The following CYP4F3 variants were observed in gnomAD, a reference collection of about 807,000 sequenced individuals.
CYP4F3 encodes the protein cytochrome P450 4F3.
CYP4F3 carries 50 observed loss-of-function variants against 54.8 expected under a neutral mutation model. That is an observed-to-expected ratio of 0.91 (90% CI 0.73 to 1.16). The LOEUF is 1.16. CYP4F3 is among the 50% of genes most tolerant of loss of function. The pLI is 0.00. For missense variants in CYP4F3, 715 were observed against 676.2 expected, an observed-to-expected ratio of 1.06 and a Z score of -0.64; for synonymous variants, 244 against 262.6, an observed-to-expected ratio of 0.93 and a Z score of 0.69.
intron 7 of CYP4F3, among the ~76,000 whole-genome samples, chr19:15,651,929 T>C (rs1312426839): frequency 6.6e-6 from 1 of 152,120 alleles, no homozygotes; most frequent in African/African-American, 2.4e-5. Context: ...CAGAGTAGGA[T>C]TGTGGCACTG....
Position 15,658,233 on chromosome 19 carries a change from G to A in CYP4F3, c.1116-31G>A, listed in dbSNP as rs530723161. On this transcript the variant is annotated intron_variant, in intron 9 of 12. Transcript: ENST00000221307. ...TGGAGAGTTGTGTCTTTGCTCCCTTGATAAGGATTGGGGCTGGGGTGTTTC... is the reference window on the plus strand; with the variant it reads ...TGGAGAGTTGTGTCTTTGCTCCCTTAATAAGGATTGGGGCTGGGGTGTTTC... The A allele has an allele frequency of 3.1e-6, 5 of 1,608,150 alleles. No homozygotes were observed. The African/African-American group carries it at 5.4e-5, about 17-fold the overall frequency.
Position 15,658,815 on chromosome 19 carries a change from A to G in CYP4F3, c.1397+6A>G, listed in dbSNP as rs1915390. On this transcript the variant is annotated splice_donor_region_variant and intron_variant, in intron 12 of 12. Transcript: ENST00000221307. ...CCCTTCTCAGCAGGGCCCAGGTAAG[A>G]GCGGCCTGTGTTTGAGGCGGGGACG... The G allele has an allele frequency of 0.62, 1,001,509 of 1,612,974 alleles. 314,482 individuals carry two copies. The highest frequency in any genetic ancestry group is 0.82 in the East Asian group (36,838 of 44,828).
Position 15,659,585 on chromosome 19 carries a change from A to C in CYP4F3, c.*200A>C. The C allele has an allele frequency of 1.0e-6, 1 of 1,002,200 alleles. No individual in the cohort carries two copies. The highest frequency in any genetic ancestry group is 1.4e-6 in the Non-Finnish European group (1 of 705,202). 62.1% of individuals were successfully genotyped at this position (1,002,200 alleles called of 1,614,324 possible). ...CAGCCCTATTCACAGTAGCCAAACG[A>C]TGAAAACAACCCCAAGCTATATATT... is the stretch of plus-strand genomic sequence containing the variant. On this transcript the variant is annotated 3_prime_UTR_variant, in exon 13 of 13. Transcript: ENST00000221307.
Position 15,641,474 on chromosome 19 carries a change from T to A in CYP4F3, c.59T>A (p.Leu20Gln). ...TGGCCAATGGCAGCATCCCCGTGGC[T>A]GCTCCTGCTGCTGGTTGGGGCCTCC... The part of the protein sequence containing the change: ...GLWPMAASPW[L>Q]LLLLVGASWL... The change falls in exon 2 of 13, where the codon CTG (leucine) becomes CAG (glutamine). Residue 20 changes from leucine (L) to glutamine (Q), a missense_variant. By Grantham distance (113) the Leu-to-Gln change is moderately radical. Transcript: ENST00000221307. The A allele has an allele frequency of 1.2e-6, 2 of 1,614,230 alleles. No homozygotes were observed. Among genetic ancestry groups the A allele is most frequent in the Non-Finnish European group, 1.7e-6 (2 of 1,180,050 alleles).
rs1972552199 is a variant in CYP4F3 at position 15,644,015 on chromosome 19, C to A, written c.199-1704C>A. On this transcript the variant is annotated intron_variant, in intron 2 of 12. Coordinates refer to ENST00000221307, the MANE Select transcript of CYP4F3 (RefSeq NM_000896.3). ...CATCTTCCCCGTCATCCGTTTTTGCCACCCCAACATCATCCGGTCTGTCAT... is the reference window on the plus strand; with the variant it reads ...CATCTTCCCCGTCATCCGTTTTTGCAACCCCAACATCATCCGGTCTGTCAT... 3 of 1,603,642 alleles carry A rather than the reference C, an allele frequency of 1.9e-6. No homozygotes were observed. The East Asian group carries it at 6.8e-5, about 36-fold the overall frequency.
At position 15,658,401 on chromosome 19, in the gene CYP4F3, C is replaced by CT. The variant is rs1449970777; in HGVS notation, c.1249+4_1249+5insT. 1 of 1,613,698 alleles carries CT rather than the reference C, an allele frequency of 6.2e-7. No homozygotes were observed. The highest frequency in any genetic ancestry group is 8.5e-7 in the Non-Finnish European group (1 of 1,179,822). On this transcript the variant is annotated splice_donor_region_variant and intron_variant, in intron 10 of 12. Coordinates refer to ENST00000221307, the MANE Select transcript of CYP4F3 (RefSeq NM_000896.3). ...GACGGCCGGGTCATCCCCAAAGGTG[C>CT]CACAGCCTCAGGGGGAGGAGCCTCC... is the stretch of plus-strand genomic sequence containing the variant.
rs138807224 is a variant in CYP4F3 at position 15,659,310 on chromosome 19, C to T, written c.1488C>T (p.Thr496=). 1.9e-5 allele frequency: 30 copies of T among 1,613,510 alleles called. No individual in the cohort carries two copies. In the Admixed American group the frequency reaches 2.2e-4, roughly 12 times the overall value. The change falls in exon 13 of 13, where the codon ACC becomes ACT. Residue 496 remains threonine (T), a synonymous_variant. Transcript: ENST00000221307. ...GCTTCCGCGTCCTGCCTGACCACAC[C>T]GAGCCCCGCAGGAAGCCGGAGCTGG... ...LLRFRVLPDH[T]EPRRKPELVL...
chr19:15,659,611 A>G lies in CYP4F3; in HGVS notation c.*226A>G. 5 of 709,310 alleles carry G rather than the reference A, an allele frequency of 7.0e-6. No homozygotes were observed. Among genetic ancestry groups the G allele is most frequent in the Non-Finnish European group, 1.1e-5 (5 of 447,724 alleles). 43.9% of individuals were successfully genotyped at this position (709,310 alleles called of 1,614,324 possible). On this transcript the variant is annotated 3_prime_UTR_variant, in exon 13 of 13. Transcript: ENST00000221307. ...TGAAAACAACCCCAAGCTATATATT[A>G]CCAGATGAAAGGATAAACAAAATAT...
chr19:15,648,132 G>A (rs1284816234), intron 5 of CYP4F3, among the ~76,000 whole-genome samples: 1 of 152,020 alleles, frequency 6.6e-6, no homozygotes, highest in East Asian at 1.9e-4. Context: ...GAAGTGTTTA[G>A]AATTTTTTAA....
At chr19:15,650,822 CT>C (rs1167319425) in intron 7 of CYP4F3, among the ~76,000 whole-genome samples, 2 of 52,670 alleles carry the variant, frequency 3.8e-5, no homozygotes, top group Non-Finnish European at 3.4e-5. Context: ...TTCTTTCTTT[CT>C]TTCTTTCTTT....
intron 9 of CYP4F3, among the ~76,000 whole-genome samples, chr19:15,653,273 T>C (rs189755417): frequency 2.0e-5 from 3 of 152,316 alleles, no homozygotes; most frequent in Non-Finnish European, 4.4e-5. Context: ...TTTGAATGTC[T>C]TCACTTGTTG....
Position 15,640,914 on chromosome 19 carries a change from G to A in CYP4F3, c.-33G>A, listed in dbSNP as rs1319872705. 3 of 154,822 alleles carry A rather than the reference G, an allele frequency of 1.9e-5. No individual in the cohort carries two copies. The highest frequency in any genetic ancestry group is 1.3e-4 in the Admixed American group (2 of 15,658). The allele number at this position is 154,822 out of a possible 1,614,324, so 9.6% of individuals were successfully genotyped here. A position where few individuals can be genotyped will look rare whatever the true frequency, so the allele number is the denominator to read the frequency against. On this transcript the variant is annotated 5_prime_UTR_variant, in exon 1 of 13. Transcript: ENST00000221307. The stretch of plus-strand genomic sequence containing the variant: ...AACCTCCCAGAAGAAGGGGAGAGGA[G>A]GTTGTGTGGGACAAGGTGCTCCTGA...
At chr19:15,652,746 T>A (rs1171851797) in intron 8 of CYP4F3, 77 bp from the exon 9 acceptor site, 44 of 1,602,042 alleles carry the variant, frequency 2.7e-5, no homozygotes, top group Non-Finnish European at 3.7e-5. Flanking sequence ...CTCCCTGAGG[T>A]CCTCAATGCA....
chr19:15,647,820 C>T (rs140309279), intron 5 of CYP4F3, among the ~76,000 whole-genome samples: 161 of 152,214 alleles, frequency 1.1e-3, no homozygotes, highest in Non-Finnish European at 1.8e-3. Context: ...GGCTTCAGAC[C>T]GATACAGATG....
chr19:15,659,445 C>A lies in CYP4F3; in HGVS notation c.*60C>A. 1.3e-6 allele frequency: 2 copies of A among 1,588,078 alleles called. No individual in the cohort carries two copies. The highest frequency in any genetic ancestry group is 1.7e-6 in the Non-Finnish European group (2 of 1,166,328). ...GACCCCTGATTCATCAAAAGTGAGG[C>A]CTAGAATTACCCTAAGACCCTGTTC... is the stretch of plus-strand genomic sequence containing the variant. On this transcript the variant is annotated 3_prime_UTR_variant, in exon 13 of 13. Transcript: ENST00000221307.
At chr19:15,655,954 T>A (rs1181183158) in intron 9 of CYP4F3, among the ~76,000 whole-genome samples, 1 of 152,194 alleles carries the variant, frequency 6.6e-6, no homozygotes, top group Non-Finnish European at 1.5e-5. Flanking sequence ...TCTTAGCAAT[T>A]TCAACTAATA....
intron 12 of CYP4F3, among the ~76,000 whole-genome samples, 200 bp downstream of exon 12, chr19:15,659,009 T>A (rs980372195): frequency 1.4e-5 from 2 of 144,116 alleles, no homozygotes; most frequent in African/African-American, 5.4e-5. Context: ...CAGAGCTCCC[T>A]CCTACCCCAC....
Position 15,658,279 on chromosome 19 carries a change from G to T in CYP4F3, c.1131G>T (p.Gln377His). 4 of 1,614,078 alleles carry T rather than the reference G, an allele frequency of 2.5e-6. No homozygotes were observed. Among genetic ancestry groups the T allele is most frequent in the Non-Finnish European group, 3.4e-6 (4 of 1,179,980 alleles). ...PKEIEWDDLAQLPFLTMCIKE... is the reference protein window; with the variant it reads ...PKEIEWDDLAHLPFLTMCIKE... The stretch of plus-strand genomic sequence containing the variant: ...GTTTCCTTAGGGACGACCTGGCCCA[G>T]CTGCCCTTCCTGACCATGTGCATTA... Residue 377 changes from glutamine (Q) to histidine (H), a missense_variant, in exon 10 of 13, where the codon CAG (glutamine) becomes CAT (histidine). Gln to His is a conservative substitution (Grantham distance 24). Coordinates refer to ENST00000221307, the MANE Select transcript of CYP4F3 (RefSeq NM_000896.3).
At chr19:15,654,006 A>T (rs996144802) in intron 9 of CYP4F3, among the ~76,000 whole-genome samples, 2 of 152,086 alleles carry the variant, frequency 1.3e-5, no homozygotes, top group African/African-American at 4.8e-5. Flanking sequence ...TTCTAGGGCT[A>T]GTGTGGAGGG....
Sources: gnomAD v4.1 joint callset for allele counts (sites outside exome capture counted in the v4.1 genomes callset) on GRCh38, gnomAD v4.1.1 for gene constraint, MANE v1.5 for transcripts, NCBI Gene and HGNC (gene_info 2026-07-23, HGNC 2026-07-21) for gene names.